Variants in CADM2 observed in about 807,000 individuals in gnomAD.
The protein encoded by CADM2 is cell adhesion molecule 2.
In CADM2, 12 loss-of-function variants were observed where a neutral mutation model predicts 49.8. That is an observed-to-expected ratio of 0.24 (90% CI 0.15 to 0.39). The LOEUF is 0.39. Ranked by LOEUF, CADM2 falls within the 10% of genes least tolerant of loss-of-function variation. CADM2 has a pLI of 1.00. For synonymous variants in CADM2, 214 were observed against 175.4 expected, an observed-to-expected ratio of 1.22 and a Z score of -1.74; for missense variants, 378 against 492.3, an observed-to-expected ratio of 0.77 and a Z score of 2.20.
chr3:85,160,448 A>G (rs374749887), intron 1 of CADM2, among the ~76,000 whole-genome samples: 2 of 152,170 alleles, frequency 1.3e-5, no homozygotes, highest in African/African-American at 2.4e-5. Context: ...ACAGGAACGC[A>G]TGCACACACT....
chr3:85,004,517 A>G (rs1025663551), intron 1 of CADM2, among the ~76,000 whole-genome samples: 1 of 152,154 alleles, frequency 6.6e-6, no homozygotes, highest in Non-Finnish European at 1.5e-5. Context: ...CTGCCATGCT[A>G]GGGATAAAAC....
intron 1 of CADM2, among the ~76,000 whole-genome samples, chr3:85,504,221 G>T (rs1418652801): frequency 6.6e-6 from 1 of 151,764 alleles, no homozygotes; most frequent in African/African-American, 2.4e-5. Context: ...AGACCTTCGC[G>T]GTGAGTGTTA....
chr3:85,489,420 A>T (rs2039567001), intron 1 of CADM2, among the ~76,000 whole-genome samples: 1 of 152,176 alleles, frequency 6.6e-6, no homozygotes, highest in Non-Finnish European at 1.5e-5. Flanking sequence ...ATGGTAAGGT[A>T]TTACAAGTTT....
rs1559791799 is a variant in CADM2 at position 85,999,266 on chromosome 3, A to AGGAG, written c.970+37621_970+37622insAGGG. Among the ~76,000 whole-genome samples, 259 of 104,384 alleles carry AGGAG rather than the reference A, an allele frequency of 2.5e-3. 3 individuals carry two copies. Among genetic ancestry groups the AGGAG allele is most frequent in the African/African-American group, 7.7e-3 (225 of 29,352 alleles). The allele number at this position is 104,384 out of a possible 152,430, so 68.5% of individuals were successfully genotyped here. On this transcript the variant is annotated intron_variant, in intron 8 of 9. Transcript: ENST00000383699. ...GTAATCCCATCACTTTGGGAGGCCGAGGGTTGGGGGGTGGATCACTTGAGT... is the reference window on the plus strand; with the variant it reads ...GTAATCCCATCACTTTGGGAGGCCGAGGAGGGGTTGGGGGGTGGATCACTTGAGT...
At chr3:85,652,304 C>T (rs886688444) in intron 1 of CADM2, among the ~76,000 whole-genome samples, 8 of 152,026 alleles carry the variant, frequency 5.3e-5, no homozygotes, top group South Asian at 2.1e-4. Flanking sequence ...GTGATATCTG[C>T]GTTAGTTGTC....
chr3:85,951,501 C>T (rs1723416970), intron 7 of CADM2, among the ~76,000 whole-genome samples: 2 of 150,942 alleles, frequency 1.3e-5, no homozygotes, highest in African/African-American at 4.8e-5. Context: ...AATGAGGGTA[C>T]TAACTATATT....
rs775751042 is a variant in CADM2 at position 84,959,309 on chromosome 3, C to A, written c.-299C>A. The A allele has an allele frequency of 1.9e-5, 10 of 521,066 alleles. No individual in the cohort carries two copies. The highest frequency in any genetic ancestry group is 3.4e-5 in the Non-Finnish European group (10 of 290,712). The allele number at this position is 521,066 out of a possible 1,614,324, so 32.3% of individuals were successfully genotyped here. ...GGCGGGCTCTGGGACTTGCTGTGCG[C>A]GCCGAGAGGAAGGCAAGCTCCAAAC... On this transcript the variant is annotated 5_prime_UTR_variant, in exon 1 of 10. Coordinates refer to ENST00000383699, the MANE Select transcript of CADM2 (RefSeq NM_001167675.2).
intron 8 of CADM2, among the ~76,000 whole-genome samples, chr3:86,043,309 A>G (rs1736201693): frequency 1.3e-5 from 2 of 152,352 alleles, no homozygotes; most frequent in South Asian, 2.1e-4. Context: ...TGCAGAAGAC[A>G]TGATTGTATA....
chr3:84,986,863 C>A (rs2032594893), intron 1 of CADM2, among the ~76,000 whole-genome samples: 1 of 151,558 alleles, frequency 6.6e-6, no homozygotes, highest in South Asian at 2.1e-4. Flanking sequence ...ACCACCCTGA[C>A]CAACATGGAG....
At chr3:85,874,645 T>C (rs1711562875) in intron 3 of CADM2, among the ~76,000 whole-genome samples, 1 of 152,120 alleles carries the variant, frequency 6.6e-6, no homozygotes, top group African/African-American at 2.4e-5. Context: ...ATTTTCTTGT[T>C]CTACGGATCC....
At chr3:85,715,366 T>C (rs948764634) in intron 1 of CADM2, among the ~76,000 whole-genome samples, 12 of 152,182 alleles carry the variant, frequency 7.9e-5, no homozygotes, top group African/African-American at 2.7e-4. Context: ...ATCAGTAAAA[T>C]AGAATGCATT....
chr3:85,817,631 C>T (rs1226457465), intron 3 of CADM2, among the ~76,000 whole-genome samples: 1 of 152,110 alleles, frequency 6.6e-6, no homozygotes, highest in Non-Finnish European at 1.5e-5. Context: ...ACTTGGTAGT[C>T]AGGATAGCTG....
At chr3:85,355,087 C>T (rs938228947) in intron 1 of CADM2, among the ~76,000 whole-genome samples, 12 of 152,114 alleles carry the variant, frequency 7.9e-5, no homozygotes, top group African/African-American at 2.9e-4. Flanking sequence ...TGCAAAAACC[C>T]TCATTGTGCA....
At chr3:85,587,986 C>A (rs761779227) in intron 1 of CADM2, among the ~76,000 whole-genome samples, 4 of 151,952 alleles carry the variant, frequency 2.6e-5, no homozygotes, top group Non-Finnish European at 5.9e-5. Flanking sequence ...AAGCTGGTTT[C>A]CAATTCCTGG....
In CADM2 at chr3:85,170,345, T is replaced by C. The variant is rs561179231; in HGVS notation, c.61+210677T>C. ...GATTGGTCACATCTTTTTCTAACTTTTTTTTTTTTTTGAGACAGAGTCTTG... is the reference window on the plus strand; with the variant it reads ...GATTGGTCACATCTTTTTCTAACTTCTTTTTTTTTTTGAGACAGAGTCTTG... On this transcript the variant is annotated intron_variant, in intron 1 of 9. Coordinates refer to ENST00000383699, the MANE Select transcript of CADM2 (RefSeq NM_001167675.2). 2.0e-5 allele frequency among the ~76,000 whole-genome samples: 3 copies of C among 151,662 alleles called. No homozygotes were observed. In the East Asian group the frequency reaches 5.8e-4, roughly 29 times the overall value.
intron 1 of CADM2, among the ~76,000 whole-genome samples, chr3:85,240,143 T>A (rs1576190421): frequency 6.6e-6 from 1 of 151,678 alleles, no homozygotes; most frequent in South Asian, 2.1e-4. Flanking sequence ...TAATGATAAA[T>A]ATTTTAGGTA....
chr3:85,028,321 C>A (rs551092163), intron 1 of CADM2, among the ~76,000 whole-genome samples: 1 of 152,270 alleles, frequency 6.6e-6, no homozygotes, highest in African/African-American at 2.4e-5. Context: ...GACCTTCTCC[C>A]TAAACTGCTT....
chr3:85,225,680 G>C (rs2042142004), intron 1 of CADM2, among the ~76,000 whole-genome samples: 1 of 152,134 alleles, frequency 6.6e-6, no homozygotes, highest in Admixed American at 6.5e-5. Flanking sequence ...TCTAGTGCTG[G>C]TTTTCAAAGG....
chr3:84,985,930 A>G (rs2032525583), intron 1 of CADM2, among the ~76,000 whole-genome samples: 1 of 152,228 alleles, frequency 6.6e-6, no homozygotes, highest in Non-Finnish European at 1.5e-5. Context: ...AAAGTGGCCC[A>G]TGGCTTAGCT....
Sources: allele counts gnomAD v4.1 joint callset (sites outside exome capture counted in the v4.1 genomes callset), GRCh38; gene constraint gnomAD v4.1.1; transcripts MANE v1.5; gene names NCBI Gene and HGNC (gene_info 2026-07-23, HGNC 2026-07-21).